The following ARHGEF10 variants were observed in gnomAD, a reference collection of about 807,000 sequenced individuals.
ARHGEF10 encodes the protein Rho guanine nucleotide exchange factor 10.
Under a neutral mutation model 147.4 loss-of-function variants are expected in ARHGEF10, and 140 were observed. That is an observed-to-expected ratio of 0.95 (90% CI 0.83 to 1.09). The LOEUF is 1.09. Ranked by LOEUF, ARHGEF10 falls within the 50% of genes least tolerant of loss-of-function variation. ARHGEF10 has a pLI of 0.00. For synonymous variants in ARHGEF10, 902 were observed against 695.8 expected, an observed-to-expected ratio of 1.30 and a Z score of -4.67; for missense variants, 2,222 against 1,752.7, an observed-to-expected ratio of 1.27 and a Z score of -4.78.
chr8:1,833,332 A>C (rs1436900577), intron 1 of ARHGEF10, among the ~76,000 whole-genome samples: 1 of 104,420 alleles, frequency 9.6e-6, no homozygotes, highest in Non-Finnish European at 2.0e-5. Flanking sequence ...GGAGACAGAG[A>C]CAGAGGCAGA....
intron 11 of ARHGEF10, among the ~76,000 whole-genome samples, chr8:1,891,241 C>G (rs917901106): frequency 6.6e-6 from 1 of 152,110 alleles, no homozygotes; most frequent in African/African-American, 2.4e-5. Flanking sequence ...TGATTCACAT[C>G]GATTTTGTTT....
At chr8:1,955,485 G>A (rs376664414) in intron 28 of ARHGEF10, among the ~76,000 whole-genome samples, 1 of 146,564 alleles carries the variant, frequency 6.8e-6, no homozygotes, top group East Asian at 2.1e-4. Context: ...ATCCTGAAAG[G>A]AAGTGCACTC....
intron 27 of ARHGEF10, among the ~76,000 whole-genome samples, chr8:1,946,749 G>T (rs1003917566): frequency 1.3e-5 from 2 of 152,198 alleles, no homozygotes. Context: ...TAGGGGTCTG[G>T]TTCTAGAACG....
chr8:1,938,574 G>A (rs1813811402), intron 26 of ARHGEF10, among the ~76,000 whole-genome samples: 1 of 152,204 alleles, frequency 6.6e-6, no homozygotes, highest in Non-Finnish European at 1.5e-5. Flanking sequence ...GTGATTTGCT[G>A]CAGCAATGCG....
chr8:1,836,487 C>T (rs113214009), intron 1 of ARHGEF10, among the ~76,000 whole-genome samples: 4 of 152,216 alleles, frequency 2.6e-5, no homozygotes, highest in East Asian at 1.9e-4. Flanking sequence ...CGTGGGCTGA[C>T]GCCGGTGGAA....
chr8:1,861,861 C>T (rs1039571854), intron 4 of ARHGEF10, among the ~76,000 whole-genome samples: 16 of 152,200 alleles, frequency 1.1e-4, no homozygotes, highest in Non-Finnish European at 2.1e-4. Context: ...AAGGAAAATA[C>T]GTTTGTTTTA....
At chr8:1,897,096 G>A (rs1810039324) in intron 14 of ARHGEF10, among the ~76,000 whole-genome samples, 1 of 152,234 alleles carries the variant, frequency 6.6e-6, no homozygotes, top group Admixed American at 6.5e-5. Flanking sequence ...GCGGAACTGA[G>A]TCTCCTTTGT....
chr8:1,863,287 G>A (rs1224211414), intron 4 of ARHGEF10, among the ~76,000 whole-genome samples: 3 of 152,196 alleles, frequency 2.0e-5, no homozygotes, highest in Non-Finnish European at 2.9e-5. Flanking sequence ...CGGGCATCTC[G>A]TGTCTGTTGC....
At chr8:1,914,075 A>G (rs574222976) in intron 18 of ARHGEF10, among the ~76,000 whole-genome samples, 1 of 152,332 alleles carries the variant, frequency 6.6e-6, no homozygotes, top group Admixed American at 6.5e-5. Flanking sequence ...GCAAAACACT[A>G]CTAGCAAAGA....
chr8:1,950,637 A>G (rs551775114), intron 27 of ARHGEF10, among the ~76,000 whole-genome samples: 4 of 151,282 alleles, frequency 2.6e-5, no homozygotes, highest in African/African-American at 9.7e-5. Flanking sequence ...GGTTCAAGCA[A>G]TTCTCCTGCC....
chr8:1,913,779 G>A (rs1811553801), intron 18 of ARHGEF10, among the ~76,000 whole-genome samples: 1 of 152,210 alleles, frequency 6.6e-6, no homozygotes, highest in African/African-American at 2.4e-5. Context: ...CGTGTCCTGA[G>A]TGCCAGGAGT....
At chr8:1,946,123 G>C (rs1420289384) in intron 27 of ARHGEF10, among the ~76,000 whole-genome samples, 1 of 152,182 alleles carries the variant, frequency 6.6e-6, no homozygotes, top group Non-Finnish European at 1.5e-5. Flanking sequence ...AAGTTTCTGG[G>C]CAGGGGAGAA....
At position 1,925,393 on chromosome 8, in the gene ARHGEF10, C is replaced by A. The variant is rs1812610071; in HGVS notation, c.2599C>A (p.Gln867Lys). 1 of 1,614,094 alleles carries A rather than the reference C, an allele frequency of 6.2e-7. No individual in the cohort carries two copies. The highest frequency in any genetic ancestry group is 8.5e-7 in the Non-Finnish European group (1 of 1,180,028). The change falls in exon 22 of 29, where the codon CAG becomes AAG. Residue 867 changes from glutamine to lysine, a missense_variant. Gln to Lys is a moderately conservative substitution (Grantham distance 53). Coordinates refer to ENST00000349830, the MANE Select transcript of ARHGEF10 (RefSeq NM_014629.4). The stretch of plus-strand genomic sequence containing the variant: ...CATGCCCGTGATGGTGGCCAAGCAG[C>A]AGGAGTTCAAGGTGAAGGGAGGCAG... ...GHMPVMVAKQ[Q>K]EFKIECAAYN...
intron 4 of ARHGEF10, among the ~76,000 whole-genome samples, chr8:1,862,975 G>A (rs59791804): frequency 0.019 from 2,818 of 151,862 alleles, 97 homozygotes; most frequent in African/African-American, 0.063. Flanking sequence ...AGTAGAGACA[G>A]GGTTTCACCA....
intron 7 of ARHGEF10, among the ~76,000 whole-genome samples, chr8:1,872,391 A>C (rs930309238): frequency 6.6e-6 from 1 of 152,206 alleles, no homozygotes; most frequent in Non-Finnish European, 1.5e-5. Context: ...TAGCAGAAGC[A>C]AGGATGAGGT....
At chr8:1,953,780 C>T (rs566015066) in intron 28 of ARHGEF10, among the ~76,000 whole-genome samples, 1 of 152,172 alleles carries the variant, frequency 6.6e-6, no homozygotes, top group Non-Finnish European at 1.5e-5. Context: ...AACTCCTCGT[C>T]CTGTTAAGTT....
rs546400243 is a variant in ARHGEF10 at position 1,919,797 on chromosome 8, G to A, written c.2144-3167G>A. Among the ~76,000 whole-genome samples the A allele has an allele frequency of 9.8e-4, 147 of 149,950 alleles. 5 individuals are homozygous for A. Among genetic ancestry groups the A allele is most frequent in the African/African-American group, 3.5e-3 (142 of 40,288 alleles). ...TCTATGGGTGATGGAGCTGTTCTGT[G>A]GGTGATGGAGCTGTTCTGTGGGTGA... On this transcript the variant is annotated intron_variant, in intron 18 of 28. Transcript: ENST00000349830.
intron 28 of ARHGEF10, 73 bp from the exon 29 acceptor site, chr8:1,956,676 C>T (rs1585684592): frequency 6.3e-7 from 1 of 1,578,440 alleles, no homozygotes; most frequent in African/African-American, 1.3e-5. Flanking sequence ...GGGTTAAGCC[C>T]TGCACTTTTT....
chr8:1,829,020 C>A (rs1030010011), intron 1 of ARHGEF10, among the ~76,000 whole-genome samples: 8 of 152,216 alleles, frequency 5.3e-5, no homozygotes, highest in Admixed American at 3.9e-4. Flanking sequence ...CGTATCTGAG[C>A]GGACACGGAC....
Sources: gnomAD v4.1 joint callset for allele counts (sites outside exome capture counted in the v4.1 genomes callset) on GRCh38, gnomAD v4.1.1 for gene constraint, MANE v1.5 for transcripts, NCBI Gene and HGNC (gene_info 2026-07-23, HGNC 2026-07-21) for gene names.